Variants in ZNF676 observed in about 807,000 individuals in gnomAD.
The protein encoded by ZNF676 is zinc finger protein 676.
Under a neutral mutation model 6.0 loss-of-function variants are expected in ZNF676, and 4 were observed. The ratio of observed to expected loss-of-function variants is 0.67; its 90% CI spans 0.33 to 1.53. ZNF676 has a LOEUF of 1.53. ZNF676 is among the 40% of genes most tolerant of loss of function. The probability of loss-of-function intolerance (pLI) is 0.06; values close to 1 mark genes in which losing one functional copy is unlikely to be tolerated. For synonymous variants in ZNF676, 198 were observed against 223.1 expected (o/e 0.89, Z 1.00); for missense variants, 644 against 679.7 (o/e 0.95, Z 0.58).
chr19:22,219,033 A>ATTTTT (rs34819381), upstream of ZNF676, among the ~76,000 whole-genome samples: 14 of 119,704 alleles, frequency 1.2e-4, no homozygotes, highest in African/African-American at 3.3e-4. Flanking sequence ...TAGTTTTAGG[A>ATTTTT]TTTTTTTTTT....
chr19:22,229,875 T>G, the ZNF676 span, among the ~76,000 whole-genome samples: 34 of 152,112 alleles, frequency 2.2e-4, no homozygotes, highest in African/African-American at 7.7e-4. Context: ...TGAGGAGAAA[T>G]AGGAACACTT....
At chr19:22,258,578 T>C in the ZNF676 span, among the ~76,000 whole-genome samples, 1 of 152,220 alleles carries the variant, frequency 6.6e-6, no homozygotes, top group Non-Finnish European at 1.5e-5. Context: ...GTCACAGCGA[T>C]ACGTCAGAAT....
chr19:22,198,192 C>T (rs1237920552), upstream of ZNF676, among the ~76,000 whole-genome samples: 1 of 151,772 alleles, frequency 6.6e-6, no homozygotes, highest in African/African-American at 2.4e-5. Context: ...CCAGGTTTTC[C>T]CCAATATGAA....
At chr19:22,240,416 C>A in the ZNF676 span, among the ~76,000 whole-genome samples, 1 of 151,842 alleles carries the variant, frequency 6.6e-6, no homozygotes, top group Non-Finnish European at 1.5e-5. Flanking sequence ...TTTCACAATG[C>A]TCCCTGTGAG....
chr19:22,202,216 ACT>A (rs142153753), intron 1 of ZNF676, among the ~76,000 whole-genome samples: 2,482 of 152,066 alleles, frequency 0.016, 38 homozygotes, highest in Middle Eastern at 0.031. Context: ...CACATATTTT[ACT>A]CTGATTGGGT....
At chr19:22,217,692 C>CTGTTTGTT (rs112661841), upstream of ZNF676, among the ~76,000 whole-genome samples, 7,235 of 147,640 alleles carry the variant, frequency 0.049, 221 homozygotes, top group East Asian at 0.14. Flanking sequence ...ATGGTCTTTT[C>CTGTTTGTT]TGTTTGTTTG....
Position 22,181,250 on chromosome 19 carries a change from A to G in ZNF676, c.467T>C (p.Leu156Pro). ...AGTATAAATTCTTTCATGTTGAGAT[A>G]GGTGTGAAAGCATGCAAAATGATCT... Reference protein sequence around the residue: ...YVRSFCMLSHLSQHERIYTRE... With the variant: ...YVRSFCMLSHPSQHERIYTRE... The change falls in exon 3 of 3, where the codon CTA (leucine) becomes CCA (proline). Residue 156 changes from leucine (L) to proline (P), a missense_variant. Leu to Pro is a moderately conservative substitution (Grantham distance 98). Around this residue, in one of 5 missense-constraint regions of ZNF676, gnomAD observed 280 missense variants for 269.3 expected, o/e 1.04. Coordinates refer to ENST00000397121, the MANE Select transcript of ZNF676 (RefSeq NM_001001411.3). The G allele has an allele frequency of 6.2e-7, 1 of 1,613,874 alleles. No individual in the cohort carries two copies.
intron 1 of ZNF676, among the ~76,000 whole-genome samples, chr19:22,195,235 C>T (rs1029793626): frequency 1.3e-5 from 2 of 152,160 alleles, no homozygotes; most frequent in African/African-American, 4.8e-5. Context: ...CTAACAGACT[C>T]ACCTGTGTAG....
chr19:22,206,653 T>C (rs989430762), intron 1 of ZNF676, among the ~76,000 whole-genome samples: 3 of 151,528 alleles, frequency 2.0e-5, no homozygotes, highest in African/African-American at 7.3e-5. Context: ...CCAGCCTGGA[T>C]GACACAGTGA....
the ZNF676 span, among the ~76,000 whole-genome samples, chr19:22,232,195 G>A: frequency 6.8e-4 from 103 of 151,530 alleles, no homozygotes; most frequent in African/African-American, 2.3e-3. Flanking sequence ...TTTAGACGGA[G>A]TCTCGCTCTG....
chr19:22,209,605 G>C (rs999742086), intron 1 of ZNF676, among the ~76,000 whole-genome samples: 1 of 152,072 alleles, frequency 6.6e-6, no homozygotes, highest in African/African-American at 2.4e-5. Flanking sequence ...CACAATTTTA[G>C]CTGTATAACA....
the ZNF676 span, among the ~76,000 whole-genome samples, chr19:22,258,967 C>T: frequency 6.6e-6 from 1 of 152,128 alleles, no homozygotes; most frequent in African/African-American, 2.4e-5. Context: ...TGCATGAGAG[C>T]TTCTATTTGT....
At position 22,180,389 on chromosome 19, in the gene ZNF676, T is replaced by C. The variant is rs543825661; in HGVS notation, c.1328A>G (p.His443Arg). The C allele has an allele frequency of 1.2e-6, 2 of 1,613,954 alleles. No individual in the cohort carries two copies. Among genetic ancestry groups the C allele is most frequent in the East Asian group, 2.2e-5 (1 of 44,870 alleles). Residue 443 changes from histidine to arginine, a missense_variant, in exon 3 of 3, where the codon CAT becomes CGT. Physicochemically the swap from His to Arg is conservative, Grantham distance 29 (BLOSUM62 0). Coordinates refer to ENST00000397121, the MANE Select transcript of ZNF676 (RefSeq NM_001001411.3). ...ACATTTGTAGGGTTTCTCTCCAGCA[T>C]GAATTCTCTTGTGTTCAGTAAGGCT... ...SSSLTEHKRIHAGEKPYKCEE... is the reference protein window; with the variant it reads ...SSSLTEHKRIRAGEKPYKCEE...
chr19:22,179,411 G>T lies in ZNF676; in HGVS notation c.*539C>A, dbSNP rs754017765. 1.2e-5 allele frequency: 4 copies of T among 328,256 alleles called. No homozygotes were observed. The highest frequency in any genetic ancestry group is 2.4e-5 in the Non-Finnish European group (4 of 167,394). 20.3% of individuals were successfully genotyped at this position (328,256 alleles called of 1,614,324 possible). On this transcript the variant is annotated 3_prime_UTR_variant, in exon 3 of 3. Transcript: ENST00000397121. ...TGTCTTATATGTAGTAAGCCTTAAG[G>T]ACTGGTTAAAGGCTTTGCCACATTC...
intron 1 of ZNF676, among the ~76,000 whole-genome samples, chr19:22,211,366 T>C (rs1335167550): frequency 1.3e-5 from 2 of 152,152 alleles, no homozygotes; most frequent in African/African-American, 4.8e-5. Context: ...CTCCGTTTGC[T>C]AGCTCAAAAT....
rs112197764 is a variant in ZNF676, at chr19:22,211,685, T to A, written c.3+3947A>T. 5.3e-3 allele frequency among the ~76,000 whole-genome samples: 811 copies of A among 152,158 alleles called. 5 individuals are homozygous for A. The highest frequency in any genetic ancestry group is 0.018 in the African/African-American group (768 of 41,514). On this transcript the variant is annotated intron_variant, in intron 1 of 3. Transcript: ENST00000650058. ...TTACCATTAAACTCAGAAATCAAAA[T>A]AACAGGATATAGAACAAAGATACTT...
chr19:22,202,363 T>TACCAA (rs2024034623), intron 1 of ZNF676, among the ~76,000 whole-genome samples: 1 of 152,176 alleles, frequency 6.6e-6, no homozygotes, highest in Admixed American at 6.5e-5. Context: ...CTGCAGAGGA[T>TACCAA]GATAGATACC....
At chr19:22,221,719 C>G in the ZNF676 span, among the ~76,000 whole-genome samples, 1 of 150,316 alleles carries the variant, frequency 6.7e-6, no homozygotes, top group Non-Finnish European at 1.5e-5. Context: ...CCATTGCACT[C>G]CAGCCTTGGT....
At chr19:22,234,541 G>A in the ZNF676 span, among the ~76,000 whole-genome samples, 6 of 152,294 alleles carry the variant, frequency 3.9e-5, no homozygotes, top group African/African-American at 1.4e-4. Context: ...ATAAAACATA[G>A]TCAAACGTTC....
Sources: allele counts gnomAD v4.1 joint callset (sites outside exome capture counted in the v4.1 genomes callset), GRCh38; gene constraint gnomAD v4.1.1; regional missense constraint gnomAD v4.1.1; transcripts MANE v1.5; gene names NCBI Gene and HGNC (gene_info 2026-07-23, HGNC 2026-07-21).